MRTFB: variants seen among roughly 807,000 people sequenced by gnomAD.
MRTFB encodes the protein myocardin-related transcription factor B.
In MRTFB, 29 loss-of-function variants were observed where a neutral mutation model predicts 104.2. That is an observed-to-expected ratio of 0.28 (90% CI 0.21 to 0.38). MRTFB has a LOEUF of 0.38. Ranked by LOEUF, MRTFB falls within the 10% of genes least tolerant of loss-of-function variation. MRTFB has a pLI of 1.00. For missense variants in MRTFB, 1,270 were observed against 1,341.6 expected (o/e 0.95, Z 0.83); for synonymous variants, 535 against 519.5 (o/e 1.03, Z -0.41).
At chr16:14,187,146 G>A in intron 3 of MRTFB, 1 of 836,010 alleles carries the variant, frequency 1.2e-6, no homozygotes, top group Non-Finnish European at 1.8e-6. Context: ...GTTCACTCAT[G>A]TACCTTACAC....
intron 14 of MRTFB, 83 bp from the exon 15 acceptor site, chr16:14,252,282 G>C: frequency 1.3e-6 from 2 of 1,545,178 alleles, no homozygotes; most frequent in African/African-American, 2.7e-5. Flanking sequence ...CCACTACATA[G>C]AGAACAGCAG....
the MRTFB span, among the ~76,000 whole-genome samples, chr16:14,037,088 C>T: frequency 1.1e-4 from 17 of 152,152 alleles, no homozygotes; most frequent in East Asian, 2.3e-3. Context: ...CATCTGTAGA[C>T]CAGATGTGGC....
intron 15 of MRTFB, among the ~76,000 whole-genome samples, chr16:14,252,766 G>A (rs1325097800): frequency 6.6e-6 from 1 of 152,060 alleles, no homozygotes; most frequent in African/African-American, 2.4e-5. Flanking sequence ...TTGGGGTAGG[G>A]GCATCAGTCA....
the MRTFB span, among the ~76,000 whole-genome samples, chr16:14,017,343 A>C: frequency 4.0e-5 from 6 of 151,718 alleles, no homozygotes; most frequent in Non-Finnish European, 5.9e-5. Flanking sequence ...GGCGTGAGCC[A>C]CCGCGCCCGG....
At chr16:14,001,901 T>TC in the MRTFB span, among the ~76,000 whole-genome samples, 1 of 152,256 alleles carries the variant, frequency 6.6e-6, no homozygotes, top group Non-Finnish European at 1.5e-5. Context: ...AGGCACTGTA[T>TC]CCTTGTTCCA....
chr16:14,202,401 A>G (rs1463907345), intron 3 of MRTFB, among the ~76,000 whole-genome samples: 6 of 152,204 alleles, frequency 3.9e-5, no homozygotes, highest in Admixed American at 3.9e-4. Flanking sequence ...AGAAAAATGT[A>G]TTATAAAACA....
chr16:14,021,328 G>A, the MRTFB span, among the ~76,000 whole-genome samples: 1 of 152,178 alleles, frequency 6.6e-6, no homozygotes, highest in Non-Finnish European at 1.5e-5. Context: ...GATCGTAGAG[G>A]CAGCCTGCAT....
the MRTFB span, among the ~76,000 whole-genome samples, chr16:14,017,647 ATG>A: frequency 9.7e-3 from 573 of 58,910 alleles, 43 homozygotes; most frequent in African/African-American, 0.034. Context: ...ATATGTATAT[ATG>A]TGTGTGTGTG....
chr16:14,061,412 A>C, the MRTFB span, among the ~76,000 whole-genome samples: 1 of 152,202 alleles, frequency 6.6e-6, no homozygotes. Context: ...GAAGTCAGTC[A>C]TTGGTGAACA....
rs567945300 is a variant in MRTFB, at chr16:14,212,250, T to C, written c.221-104T>C. On this transcript the variant is annotated intron_variant, in intron 4 of 16. Coordinates refer to ENST00000571589, the MANE Select transcript of MRTFB (RefSeq NM_001308142.2). ...TGGAACTGGTAAATTAATGGAACTGTAGTTGTGATCTGTTAATAATAGGGT... is the reference window on the plus strand; with the variant it reads ...TGGAACTGGTAAATTAATGGAACTGCAGTTGTGATCTGTTAATAATAGGGT... 4.7e-6 allele frequency: 5 copies of C among 1,061,208 alleles called. No homozygotes were observed. In the East Asian group the frequency reaches 1.2e-4, roughly 26 times the overall value. The allele number at this position is 1,061,208 out of a possible 1,614,324, so 65.7% of individuals were successfully genotyped here.
At chr16:14,099,721 G>T (rs1343047487) in intron 2 of MRTFB, among the ~76,000 whole-genome samples, 1 of 149,242 alleles carries the variant, frequency 6.7e-6, no homozygotes, top group African/African-American at 2.5e-5. Flanking sequence ...AGGCTGGAGT[G>T]CAGTGGCACG....
At chr16:14,025,668 C>A in the MRTFB span, among the ~76,000 whole-genome samples, 1 of 151,962 alleles carries the variant, frequency 6.6e-6, no homozygotes, top group African/African-American at 2.4e-5. Context: ...AGAATAGGGA[C>A]ATGGAAGTCT....
intron 6 of MRTFB, among the ~76,000 whole-genome samples, chr16:14,215,947 A>G (rs2041402246): frequency 6.6e-6 from 1 of 152,272 alleles, no homozygotes; most frequent in African/African-American, 2.4e-5. Context: ...GATTTTTTAA[A>G]TGACTCAACC....
the MRTFB span, among the ~76,000 whole-genome samples, chr16:14,007,067 C>T: frequency 5.9e-5 from 9 of 152,098 alleles, no homozygotes; most frequent in African/African-American, 9.7e-5. Context: ...AGATGTAATT[C>T]GTACACCGTA....
the MRTFB span, among the ~76,000 whole-genome samples, chr16:14,039,278 C>G: frequency 1.3e-5 from 2 of 152,188 alleles, no homozygotes; most frequent in African/African-American, 4.8e-5. Context: ...CACAACATGG[C>G]TGGCTTCCTC....
intron 2 of MRTFB, among the ~76,000 whole-genome samples, chr16:14,128,771 AT>A (rs2037289347): frequency 6.6e-6 from 1 of 152,232 alleles, no homozygotes; most frequent in South Asian, 2.1e-4. Flanking sequence ...ATTAAAAACC[AT>A]ATCGCAATAA....
chr16:14,230,800 T>A (rs2042223622), intron 8 of MRTFB, among the ~76,000 whole-genome samples: 2 of 152,072 alleles, frequency 1.3e-5, no homozygotes, highest in African/African-American at 4.8e-5. Context: ...CCCAAAGGAC[T>A]ATAAATCATG....
chr16:14,150,909 G>A (rs994495937), intron 3 of MRTFB: 2 of 152,162 alleles, frequency 1.3e-5, no homozygotes, highest in Non-Finnish European at 2.9e-5. Flanking sequence ...GCACTTCGTA[G>A]GAGTCTCATT....
At position 14,247,337 on chromosome 16, in the gene MRTFB, A is replaced by T. The variant is rs898543879; in HGVS notation, c.2077A>T (p.Ser693Cys). ...CCCTGTGGGCCAGGCAGAGCAGCAGAGTGTCGTCTCGCAGTTTTATGTGAG... is the reference window on the plus strand; with the variant it reads ...CCCTGTGGGCCAGGCAGAGCAGCAGTGTGTCGTCTCGCAGTTTTATGTGAG... The part of the protein sequence containing the change: ...EVPVGQAEQQ[S>C]VVSQFYVSSQ... The change falls in exon 12 of 17, where the codon AGT becomes TGT. Residue 693 changes from serine to cysteine, a missense_variant. Ser to Cys is a moderately radical substitution (Grantham distance 112, BLOSUM62 -1). Around this residue, in one of 3 missense-constraint regions of MRTFB, gnomAD observed 1,144 missense variants for 1,131.5 expected, o/e 1.01. Transcript: ENST00000571589. 1 of 1,614,228 alleles carries T rather than the reference A, an allele frequency of 6.2e-7. No homozygotes were observed. Among genetic ancestry groups the T allele is most frequent in the African/African-American group, 1.3e-5 (1 of 75,056 alleles).
Sources: gnomAD v4.1 joint callset for allele counts (sites outside exome capture counted in the v4.1 genomes callset) on GRCh38, gnomAD v4.1.1 for gene constraint, gnomAD v4.1.1 regional missense constraint, MANE v1.5 for transcripts, NCBI Gene and HGNC (gene_info 2026-07-23, HGNC 2026-07-21) for gene names.